ENO2: variants seen among roughly 807,000 people sequenced by gnomAD.
ENO2 encodes the protein enolase 2.
In ENO2, 19 loss-of-function variants were observed where a neutral mutation model predicts 48.7. That is an observed-to-expected ratio of 0.39 (90% confidence interval 0.27 to 0.57). The LOEUF (loss-of-function observed/expected upper bound fraction) is 0.57, where lower values mean the gene tolerates loss of function less well. Among genes scored for constraint, ENO2 ranks in the 20% least tolerant of loss-of-function variants. ENO2 has a pLI of 0.58. For missense variants in ENO2, 416 were observed against 555.0 expected, an observed-to-expected ratio of 0.75 and a Z score of 2.52; for synonymous variants, 198 against 213.4, an observed-to-expected ratio of 0.93 and a Z score of 0.63.
At chr12:6,921,538 G>A in intron 8 of ENO2, 43 bp from the exon 9 acceptor site, 4 of 1,602,806 alleles carry the variant, frequency 2.5e-6, no homozygotes, top group Non-Finnish European at 3.4e-6. Context: ...GAGACCCAGG[G>A]AAGATGAACA....
chr12:6,921,884 G>T, intron 9 of ENO2, 102 bp downstream of exon 9: 1 of 1,526,184 alleles, frequency 6.6e-7, no homozygotes, highest in African/African-American at 1.4e-5. Flanking sequence ...AAGAGAGCGG[G>T]GAACCTGGAA....
chr12:6,919,896 G>A (rs1177124467), intron 8 of ENO2, 133 bp downstream of exon 8: 1 of 920,136 alleles, frequency 1.1e-6, no homozygotes, highest in Non-Finnish European at 1.6e-6. Flanking sequence ...CCAGGGAGAG[G>A]GTGCAGGAGC....
In ENO2 at chr12:6,922,272, C is replaced by T; in HGVS notation, c.1177-72C>T. 6.2e-7 allele frequency: 1 copy of T among 1,611,940 alleles called. No individual in the cohort carries two copies. ...GTGTTTGAGGGTGTCAGGGGAGTTT[C>T]AGGAGAGCAGAAGTTTCCTTTCAGG... On this transcript the variant is annotated intron_variant, in intron 10 of 11. Coordinates refer to ENST00000229277, the MANE Select transcript of ENO2 (RefSeq NM_001975.3). The surrounding 1 kb of genome is among the most constrained non-coding windows in gnomAD (Gnocchi z 5.3).
intron 9 of ENO2, 111 bp from the exon 10 acceptor site, chr12:6,921,945 C>A: frequency 1.3e-6 from 2 of 1,528,006 alleles, no homozygotes; most frequent in Non-Finnish European, 1.8e-6. Flanking sequence ...ATTCTCTGCT[C>A]CCCTCCCAGA....
intron 7 of ENO2, among the ~76,000 whole-genome samples, chr12:6,918,981 C>CA (rs58247795): frequency 0.068 from 5,090 of 75,316 alleles, 356 homozygotes; most frequent in African/African-American, 0.19. Flanking sequence ...GACTCCGTCT[C>CA]AAAAAAAAAA....
chr12:6,919,796 G>A (rs1384436287), intron 8 of ENO2, 33 bp downstream of exon 8: 2 of 1,607,694 alleles, frequency 1.2e-6, no homozygotes. Context: ...GGAGGTCTGG[G>A]GGCAGGCAGG....
In ENO2 at chr12:6,914,603, G is replaced by A; in HGVS notation, c.-69G>A. 5.9e-6 allele frequency: 1 copy of A among 169,554 alleles called. No individual in the cohort carries two copies. The highest frequency in any genetic ancestry group is 1.2e-5 in the Non-Finnish European group (1 of 80,542). The allele number at this position is 169,554 out of a possible 1,614,324, so 10.5% of individuals were successfully genotyped here. A position where few individuals can be genotyped will look rare whatever the true frequency, so the allele number is the denominator to read the frequency against. ...CTGCCACTCCCGCTCTCTCAGCGCC[G>A]CCGTCGCCACCGCCACCGCCACCGC... is the stretch of plus-strand genomic sequence containing the variant. On this transcript the variant is annotated 5_prime_UTR_variant, in exon 1 of 12. Transcript: ENST00000229277. This position sits in a 1 kb window ranked among gnomAD's most constrained non-coding sequence, Gnocchi z 7.1.
At position 6,915,913 on chromosome 12, in the gene ENO2, C is replaced by G; in HGVS notation, c.81C>G (p.Ala27=). ...NPTVEVDLYT[A]KGLFRAAVPS... is the part of the protein sequence containing the mutation. ...CAGTGGAGGTGGATCTCTATACTGC[C>G]AAAGGTAATGGGTGTGGCATGGGCC... Residue 27 remains alanine (A), a synonymous_variant, in exon 2 of 12, where the codon GCC becomes GCG. Transcript: ENST00000229277. 1 of 1,614,000 alleles carries G rather than the reference C, an allele frequency of 6.2e-7. No individual in the cohort carries two copies.
chr12:6,918,247 A>T, intron 7 of ENO2, 85 bp downstream of exon 7: 1 of 1,427,908 alleles, frequency 7.0e-7, no homozygotes, highest in Non-Finnish European at 9.6e-7. Context: ...CCAAGTCCTG[A>T]GTAGGCGTGG....
intron 7 of ENO2, 64 bp downstream of exon 7, chr12:6,918,226 GAC>G (rs1945309389): frequency 6.5e-7 from 1 of 1,549,740 alleles, no homozygotes; most frequent in South Asian, 1.1e-5. Context: ...CAGAAAGGGT[GAC>G]ACAGTTCACC....
chr12:6,922,907 C>T lies in ENO2; in HGVS notation c.*107C>T, dbSNP rs782471445. 1.5e-4 allele frequency: 184 copies of T among 1,201,816 alleles called. 2 individuals are homozygous for T. In the South Asian group the frequency reaches 1.9e-3, roughly 12 times the overall value. 74.4% of individuals were successfully genotyped at this position (1,201,816 alleles called of 1,614,324 possible). A position where few individuals can be genotyped will look rare whatever the true frequency, so the allele number is the denominator to read the frequency against. ...CTGAGATCCCCTGAGCCCCAGGGTGCCCAGAACTTCCCTGATTGACCTGCT... is the reference window on the plus strand; with the variant it reads ...CTGAGATCCCCTGAGCCCCAGGGTGTCCAGAACTTCCCTGATTGACCTGCT... On this transcript the variant is annotated 3_prime_UTR_variant, in exon 12 of 12. Transcript: ENST00000229277. The surrounding 1 kb of genome is among the most constrained non-coding windows in gnomAD (Gnocchi z 5.3).
chr12:6,917,419 C>A (rs1945301671), intron 5 of ENO2, 162 bp from the exon 6 acceptor site: 1 of 998,624 alleles, frequency 1.0e-6, no homozygotes, highest in Non-Finnish European at 1.4e-6. Flanking sequence ...ATTCCTCTCC[C>A]TGCTGTTTTC....
intron 7 of ENO2, among the ~76,000 whole-genome samples, chr12:6,918,981 CA>C (rs58247795): frequency 0.38 from 29,153 of 75,890 alleles, 3,129 homozygotes; most frequent in African/African-American, 0.49. Context: ...GACTCCGTCT[CA>C]AAAAAAAAAA....
In ENO2 at chr12:6,921,941, T is replaced by C. The variant is rs1945344816; in HGVS notation, c.1068-115T>C. ...CTCTGCCCCTCCACCCCTGATTCTC[T>C]GCTCCCCTCCCAGATAGCTTTCCCC... On this transcript the variant is annotated intron_variant, in intron 9 of 11. Transcript: ENST00000229277. 5 of 1,523,344 alleles carry C rather than the reference T, an allele frequency of 3.3e-6. No homozygotes were observed. In the East Asian group the frequency reaches 9.1e-5, roughly 28 times the overall value. The allele number at this position is 1,523,344 out of a possible 1,614,324, so 94.4% of individuals were successfully genotyped here. A position where few individuals can be genotyped will look rare whatever the true frequency, so the allele number is the denominator to read the frequency against.
chr12:6,922,591 A>G lies in ENO2; in HGVS notation c.1236-140A>G, dbSNP rs1945350469. On this transcript the variant is annotated intron_variant, in intron 11 of 11. Transcript: ENST00000229277. The surrounding 1 kb of genome is among the most constrained non-coding windows in gnomAD (Gnocchi z 5.3). ...TGACAAATCCCAGAGATCACATGGGAAAGCCAGGGAATGCTAAGCCTTGGG... is the reference window on the plus strand; with the variant it reads ...TGACAAATCCCAGAGATCACATGGGGAAGCCAGGGAATGCTAAGCCTTGGG... 7.7e-7 allele frequency: 1 copy of G among 1,290,420 alleles called. No individual in the cohort carries two copies. The highest frequency in any genetic ancestry group is 1.1e-6 in the Non-Finnish European group (1 of 900,378). 79.9% of individuals were successfully genotyped at this position (1,290,420 alleles called of 1,614,324 possible).
chr12:6,920,522 C>T (rs1336886740), intron 8 of ENO2, among the ~76,000 whole-genome samples: 1 of 151,796 alleles, frequency 6.6e-6, no homozygotes, highest in Non-Finnish European at 1.5e-5. Flanking sequence ...GCCTCAGCCT[C>T]CCGAATAGCT....
chr12:6,919,466 G>C (rs1423304224), intron 7 of ENO2, 100 bp from the exon 8 acceptor site: 5 of 1,347,078 alleles, frequency 3.7e-6, no homozygotes, highest in Admixed American at 2.0e-5. Flanking sequence ...CTTCCCTCAG[G>C]AACAGCCCTC....
chr12:6,918,507 C>A (rs185856694), intron 7 of ENO2, among the ~76,000 whole-genome samples: 6 of 151,544 alleles, frequency 4.0e-5, no homozygotes, highest in Non-Finnish European at 7.4e-5. Flanking sequence ...CCCGCCACCA[C>A]GCCCGGCTAA....
rs782581252 is a variant in ENO2 at position 6,916,645 on chromosome 12, C to T, written c.182-26C>T. 59 of 1,613,938 alleles carry T rather than the reference C, an allele frequency of 3.7e-5. No homozygotes were observed. The highest frequency in any genetic ancestry group is 4.7e-5 in the Non-Finnish European group (55 of 1,179,938). On this transcript the variant is annotated intron_variant, in intron 3 of 11. Transcript: ENST00000229277. This position sits in a 1 kb window ranked among gnomAD's most constrained non-coding sequence, Gnocchi z 4.5. Reference sequence around the variant, plus strand: ...CCCTTCCGGCCCCTCCTGGCCCGACCCAGTCCAGCCTCTTCCTTTCCCCAG... The same window carrying T: ...CCCTTCCGGCCCCTCCTGGCCCGACTCAGTCCAGCCTCTTCCTTTCCCCAG...
Sources: gnomAD v4.1 joint callset for allele counts (sites outside exome capture counted in the v4.1 genomes callset) on GRCh38, gnomAD v4.1.1 for gene constraint, Gnocchi (gnomAD v3.1) non-coding constraint, MANE v1.5 for transcripts, NCBI Gene and HGNC (gene_info 2026-07-23, HGNC 2026-07-21) for gene names.